The following EEIG1 variants were observed in gnomAD, a reference collection of about 807,000 sequenced individuals.
EEIG1 encodes the protein estrogen-induced osteoclastogenesis regulator 1, also known as early estrogen-induced gene 1 protein.
the EEIG1 span, among the ~76,000 whole-genome samples, chr9:127,963,343 C>T: frequency 2.6e-5 from 4 of 152,236 alleles, no homozygotes; most frequent in Non-Finnish European, 5.9e-5. Flanking sequence ...GCTGGCCGCC[C>T]GCCTGGGAAG....
At chr9:127,960,755 G>A in the EEIG1 span, among the ~76,000 whole-genome samples, 1 of 152,110 alleles carries the variant, frequency 6.6e-6, no homozygotes, top group Non-Finnish European at 1.5e-5. Flanking sequence ...GAAGCCTAAG[G>A]CCCATTTGCA....
chr9:127,947,129 C>T, the EEIG1 span, among the ~76,000 whole-genome samples: 1,794 of 151,860 alleles, frequency 0.012, 34 homozygotes, highest in African/African-American at 0.04. Context: ...AGTGCCCAGC[C>T]GGGCGCGGTG....
the EEIG1 span, among the ~76,000 whole-genome samples, chr9:127,947,890 C>A: frequency 6.6e-6 from 1 of 152,162 alleles, no homozygotes; most frequent in African/African-American, 2.4e-5. Context: ...GATCTCAGGG[C>A]CCAGCACCAC....
chr9:127,952,919 A>G, the EEIG1 span, among the ~76,000 whole-genome samples: 1 of 152,122 alleles, frequency 6.6e-6, no homozygotes, highest in Non-Finnish European at 1.5e-5. Flanking sequence ...GTTTTGTCGT[A>G]TTGCCAAAGC....
chr9:127,963,765 G>T, the EEIG1 span: 1 of 152,298 alleles, frequency 6.6e-6, no homozygotes, highest in African/African-American at 2.4e-5. Flanking sequence ...GCATCCACGA[G>T]GACTGACTGT....
At chr9:127,968,305 G>A in the EEIG1 span, among the ~76,000 whole-genome samples, 1 of 152,082 alleles carries the variant, frequency 6.6e-6, no homozygotes, top group South Asian at 2.1e-4. Context: ...TCAAGTCATG[G>A]GGCTGCCTCT....
the EEIG1 span, chr9:127,954,015 G>A: frequency 6.7e-7 from 1 of 1,496,976 alleles, no homozygotes; most frequent in Non-Finnish European, 9.1e-7. Flanking sequence ...CTCCCCATTG[G>A]GACTGAGGCG....
chr9:127,948,379 G>A, the EEIG1 span: 1 of 1,614,138 alleles, frequency 6.2e-7, no homozygotes, highest in Non-Finnish European at 8.5e-7. Context: ...TCTTGAAGCA[G>A]GGATCTCCAG....
the EEIG1 span, among the ~76,000 whole-genome samples, chr9:127,954,449 G>C: frequency 1.3e-5 from 2 of 152,148 alleles, no homozygotes; most frequent in African/African-American, 4.8e-5. Context: ...CCTGACTCCA[G>C]AGCTGCCTTC....
the EEIG1 span, chr9:127,980,265 G>A: frequency 2.7e-6 from 3 of 1,100,708 alleles, no homozygotes; most frequent in Non-Finnish European, 3.9e-6. Flanking sequence ...TGGCGGAGAC[G>A]GCGGAGATCG....
chr9:127,948,993 G>A, the EEIG1 span, among the ~76,000 whole-genome samples: 36 of 152,324 alleles, frequency 2.4e-4, no homozygotes, highest in East Asian at 6.0e-3. Context: ...AGATCCTGAC[G>A]TCACCACTTA....
At chr9:127,955,400 C>A in the EEIG1 span, among the ~76,000 whole-genome samples, 2 of 152,266 alleles carry the variant, frequency 1.3e-5, no homozygotes, top group Non-Finnish European at 2.9e-5. Flanking sequence ...AAACCCAGGA[C>A]TGTATGACTT....
the EEIG1 span, among the ~76,000 whole-genome samples, chr9:127,974,719 C>G: frequency 6.6e-6 from 1 of 152,204 alleles, no homozygotes; most frequent in African/African-American, 2.4e-5. Context: ...GAAGCTTTCA[C>G]GATGCCCACC....
the EEIG1 span, chr9:127,953,211 C>T: frequency 2.7e-5 from 7 of 263,656 alleles, no homozygotes; most frequent in East Asian, 4.9e-4. Flanking sequence ...TTAAACCACA[C>T]GCATACATTT....
chr9:127,962,254 T>G, the EEIG1 span, among the ~76,000 whole-genome samples: 1 of 152,202 alleles, frequency 6.6e-6, no homozygotes, highest in African/African-American at 2.4e-5. Flanking sequence ...CACATCAAAT[T>G]GCAAATGAAG....
chr9:127,943,485 G>A, the EEIG1 span: 177 of 543,926 alleles, frequency 3.3e-4, 1 homozygote, highest in East Asian at 3.6e-3. Flanking sequence ...CCATCCTCAC[G>A]GTCACCTCGG....
chr9:127,943,254 G>C, the EEIG1 span: 3 of 1,613,740 alleles, frequency 1.9e-6, no homozygotes, highest in Admixed American at 3.3e-5. Flanking sequence ...GTGAGAGACA[G>C]GTCAGCATGT....
At chr9:127,976,975 G>A in the EEIG1 span, among the ~76,000 whole-genome samples, 6 of 148,922 alleles carry the variant, frequency 4.0e-5, no homozygotes, top group Non-Finnish European at 8.9e-5. This position sits in a 1 kb window ranked among gnomAD's most constrained non-coding sequence, Gnocchi z 4.1. Flanking sequence ...GTGAAGCGGG[G>A]TTCCCAGGCT....
the EEIG1 span, among the ~76,000 whole-genome samples, chr9:127,959,852 T>C: frequency 6.6e-6 from 1 of 152,208 alleles, no homozygotes; most frequent in Admixed American, 6.5e-5. Context: ...AACAGACTAA[T>C]ACAGGGGACT....
Sources: allele counts gnomAD v4.1 joint callset (sites outside exome capture counted in the v4.1 genomes callset), GRCh38; gene constraint gnomAD v4.1.1; non-coding constraint Gnocchi (gnomAD v3.1); transcripts MANE v1.5; gene names NCBI Gene and HGNC (gene_info 2026-07-23, HGNC 2026-07-21).